WWOX: variants seen among roughly 807,000 people sequenced by gnomAD.
WWOX encodes WW domain-containing oxidoreductase.
A neutral mutation model predicts 46.2 loss-of-function variants in WWOX; 69 were observed. The observed-to-expected ratio is 1.49, with a 90% confidence interval of 1.23 to 1.82. The LOEUF (loss-of-function observed/expected upper bound fraction) is 1.82, where lower values mean the gene tolerates loss of function less well. WWOX is among the 40% of genes most tolerant of loss of function. The pLI, the probability that WWOX is intolerant of heterozygous loss-of-function variation, is 0.00. For synonymous variants in WWOX, 359 were observed against 202.6 expected (o/e 1.77, Z -6.56); for missense variants, 919 against 542.6 (o/e 1.69, Z -6.89).
intron 8 of WWOX, among the ~76,000 whole-genome samples, chr16:78,948,047 G>C (rs1420890221): frequency 6.6e-6 from 1 of 152,222 alleles, no homozygotes; most frequent in African/African-American, 2.4e-5. Flanking sequence ...CTGGTGGAGA[G>C]GAAAGAAGGC....
At chr16:78,601,684 T>G (rs1191977192) in intron 8 of WWOX, among the ~76,000 whole-genome samples, 1 of 152,180 alleles carries the variant, frequency 6.6e-6, no homozygotes, top group Non-Finnish European at 1.5e-5. Context: ...TGATGGAAAT[T>G]GTAGAGTGGA....
intron 8 of WWOX, among the ~76,000 whole-genome samples, chr16:78,573,441 A>G (rs147854557): frequency 9.6e-4 from 146 of 152,330 alleles, no homozygotes; most frequent in African/African-American, 3.3e-3. Flanking sequence ...ATGTGGTATT[A>G]CACCCTGTGA....
intron 8 of WWOX, among the ~76,000 whole-genome samples, chr16:78,612,813 A>G (rs904793357): frequency 3.3e-5 from 5 of 152,192 alleles, no homozygotes; most frequent in Non-Finnish European, 7.3e-5. Flanking sequence ...GAAGGCTACA[A>G]TATTTACTTT....
At chr16:78,748,384 C>T (rs1273526391) in intron 8 of WWOX, among the ~76,000 whole-genome samples, 1 of 152,216 alleles carries the variant, frequency 6.6e-6, no homozygotes, top group Non-Finnish European at 1.5e-5. Context: ...TCACTCATTT[C>T]TATCTGCAGT....
rs149704254 is a variant in WWOX, at chr16:78,776,337, C to T, written c.1056+343585C>T. On this transcript the variant is annotated intron_variant, in intron 8 of 8. Coordinates refer to ENST00000566780, the MANE Select transcript of WWOX (RefSeq NM_016373.4). ...TGGCTGGGATAGGACCTTGGCATCT[C>T]GTGCGAAGCCCCTCTGCCTGGAGTC... is the stretch of plus-strand genomic sequence containing the variant. Among the ~76,000 whole-genome samples, 728 of 152,120 alleles carry T rather than the reference C, an allele frequency of 4.8e-3. 4 individuals carry two copies. The highest frequency in any genetic ancestry group is 7.5e-3 in the Non-Finnish European group (510 of 68,018).
chr16:79,140,451 A>G (rs906326649), intron 8 of WWOX, among the ~76,000 whole-genome samples: 4 of 152,172 alleles, frequency 2.6e-5, no homozygotes, highest in African/African-American at 7.2e-5. Flanking sequence ...CTCCTACCAT[A>G]CAGCACTGAC....
chr16:78,751,636 TAG>T (rs2049482770), intron 8 of WWOX, among the ~76,000 whole-genome samples: 1 of 151,886 alleles, frequency 6.6e-6, no homozygotes, highest in African/African-American at 2.4e-5. Context: ...GATACAAAAA[TAG>T]AGTTTGATAT....
At position 78,848,510 on chromosome 16, in the gene WWOX, A is replaced by G. The variant is rs560625311; in HGVS notation, c.1057-363098A>G. ...CGACTGGGCATGAGGTGGAGTGAGC[A>G]CTGTGAATGCTGGGGAATGGAAAGT... On this transcript the variant is annotated intron_variant, in intron 8 of 8. Coordinates refer to ENST00000566780, the MANE Select transcript of WWOX (RefSeq NM_016373.4). 2.6e-5 allele frequency among the ~76,000 whole-genome samples: 4 copies of G among 152,320 alleles called. No homozygotes were observed. The East Asian group carries it at 7.7e-4, about 29-fold the overall frequency.
At chr16:78,637,108 A>G (rs7196215) in intron 8 of WWOX, among the ~76,000 whole-genome samples, 54,016 of 152,020 alleles carry the variant, frequency 0.36, 11,457 homozygotes, top group African/African-American at 0.6. Flanking sequence ...TGCCCATCAC[A>G]CTGCCTGCAT....
At chr16:78,342,936 T>C (rs1318035109) in intron 5 of WWOX, among the ~76,000 whole-genome samples, 1 of 120,668 alleles carries the variant, frequency 8.3e-6, no homozygotes, top group Non-Finnish European at 2.0e-5. Flanking sequence ...CTTGGAGATA[T>C]AAGCTCACCT....
At chr16:78,550,569 A>G (rs2044149543) in intron 8 of WWOX, among the ~76,000 whole-genome samples, 1 of 152,170 alleles carries the variant, frequency 6.6e-6, no homozygotes, top group Non-Finnish European at 1.5e-5. Context: ...AGAACATGAT[A>G]TTTTCTACTA....
chr16:78,831,104 T>G (rs76068402), intron 8 of WWOX, among the ~76,000 whole-genome samples: 9,244 of 152,248 alleles, frequency 0.061, 294 homozygotes, highest in Admixed American at 0.073. Context: ...CTCCAGAGCT[T>G]GCAGCTATCA....
chr16:78,812,132 C>T (rs760211052), intron 8 of WWOX, among the ~76,000 whole-genome samples: 2 of 152,080 alleles, frequency 1.3e-5, no homozygotes, highest in African/African-American at 2.4e-5. Flanking sequence ...AGACCAAATA[C>T]AGTAGGTACC....
chr16:78,261,790 A>ATC (rs1214251642), intron 5 of WWOX, among the ~76,000 whole-genome samples: 5,132 of 41,836 alleles, frequency 0.12, 137 homozygotes, highest in African/African-American at 0.23. Flanking sequence ...CTATCTATCT[A>ATC]TATATATATA....
chr16:78,895,842 A>C (rs905984164), intron 8 of WWOX: 2 of 152,210 alleles, frequency 1.3e-5, no homozygotes, highest in African/African-American at 4.8e-5. Flanking sequence ...TATAAAGTCG[A>C]GTGCTCTCAT....
intron 8 of WWOX, chr16:79,015,993 C>T (rs1293251717): frequency 6.6e-6 from 1 of 152,216 alleles, no homozygotes; most frequent in African/African-American, 2.4e-5. Flanking sequence ...TCGTGATCTG[C>T]CCGCCTCAGC....
intron 1 of WWOX, among the ~76,000 whole-genome samples, chr16:78,107,034 G>C (rs370303357): frequency 2.6e-5 from 4 of 152,298 alleles, no homozygotes; most frequent in African/African-American, 9.6e-5. Flanking sequence ...GACCTTGCTT[G>C]CAAGTTGTAG....
At chr16:78,986,635 T>G (rs4888901) in intron 8 of WWOX, among the ~76,000 whole-genome samples, 15,611 of 152,260 alleles carry the variant, frequency 0.1, 954 homozygotes, top group East Asian at 0.25. Context: ...TCATCAGTAC[T>G]CTGTTTTTCT....
chr16:78,502,041 C>T (rs967753150), intron 8 of WWOX, among the ~76,000 whole-genome samples: 1 of 152,176 alleles, frequency 6.6e-6, no homozygotes, highest in Admixed American at 6.5e-5. Flanking sequence ...TAGCCTGACT[C>T]AGGGTTTTAG....
Sources: allele counts gnomAD v4.1 joint callset (sites outside exome capture counted in the v4.1 genomes callset), GRCh38; gene constraint gnomAD v4.1.1; transcripts MANE v1.5; gene names NCBI Gene and HGNC (gene_info 2026-07-23, HGNC 2026-07-21).